Variants in VWC2 observed in about 807,000 individuals in gnomAD.
VWC2 encodes the protein von Willebrand factor C domain containing 2.
VWC2 carries 14 observed loss-of-function variants against 29.8 expected under a neutral mutation model. The ratio of observed to expected loss-of-function variants is 0.47; its 90% confidence interval spans 0.31 to 0.74. The LOEUF is 0.74. Ranked by LOEUF, VWC2 falls within the 30% of genes least tolerant of loss-of-function variation. VWC2 has a pLI of 0.05. For synonymous variants in VWC2, 213 were observed against 199.0 expected (o/e 1.07, Z -0.59); for missense variants, 457 against 459.8 (o/e 0.99, Z 0.05).
chr7:49,913,353 C>T lies in VWC2; in HGVS notation c.*1168C>T, dbSNP rs1793556408. ...GAACATAAAAAGCCACTGCAAAGTC[C>T]TGCTAATCTAATTAATGCATAATAG... On this transcript the variant is annotated 3_prime_UTR_variant, in exon 4 of 4. Coordinates refer to ENST00000340652, the MANE Select transcript of VWC2 (RefSeq NM_198570.5). 1 of 152,174 alleles carries T rather than the reference C, an allele frequency of 6.6e-6. No homozygotes were observed. Among genetic ancestry groups the T allele is most frequent in the African/African-American group, 2.4e-5 (1 of 41,456 alleles). The allele number at this position is 152,174 out of a possible 1,614,324, so 9.4% of individuals were successfully genotyped here.
chr7:49,816,013 G>T (rs574945209), intron 3 of VWC2, among the ~76,000 whole-genome samples: 1 of 152,248 alleles, frequency 6.6e-6, no homozygotes, highest in South Asian at 2.1e-4. Context: ...AGTGGGAGTG[G>T]GTCATGGAAT....
At chr7:49,870,583 G>A (rs988020053) in intron 3 of VWC2, among the ~76,000 whole-genome samples, 1 of 152,146 alleles carries the variant, frequency 6.6e-6, no homozygotes, top group African/African-American at 2.4e-5. Flanking sequence ...TACAGGGCAT[G>A]TCTTACGAGT....
chr7:49,853,624 C>T (rs993295206), intron 3 of VWC2, among the ~76,000 whole-genome samples: 9 of 151,830 alleles, frequency 5.9e-5, no homozygotes, highest in Non-Finnish European at 8.8e-5. Flanking sequence ...ACATACTTTA[C>T]GTAACATAAA....
intron 3 of VWC2, among the ~76,000 whole-genome samples, chr7:49,811,290 C>T (rs1789000211): frequency 6.6e-6 from 1 of 152,180 alleles, no homozygotes; most frequent in Non-Finnish European, 1.5e-5. Flanking sequence ...ACACCCAAAT[C>T]TCATCTTGAA....
At chr7:49,783,586 C>G (rs1367003614) in intron 2 of VWC2, among the ~76,000 whole-genome samples, 1 of 152,174 alleles carries the variant, frequency 6.6e-6, no homozygotes, top group Non-Finnish European at 1.5e-5. Context: ...AGGCTGAGAT[C>G]CTGCCAGCTG....
intron 3 of VWC2, among the ~76,000 whole-genome samples, chr7:49,837,990 G>A (rs1272422234): frequency 6.6e-6 from 1 of 152,180 alleles, no homozygotes; most frequent in East Asian, 1.9e-4. Context: ...ACATTGATGG[G>A]ATAGTGTCAC....
intron 3 of VWC2, among the ~76,000 whole-genome samples, chr7:49,832,689 T>A (rs959620158): frequency 2.0e-5 from 3 of 152,176 alleles, no homozygotes; most frequent in African/African-American, 7.2e-5. Flanking sequence ...TCTGGTCTGG[T>A]CTGCTGGGGC....
chr7:49,840,325 G>C (rs1789765180), intron 3 of VWC2, among the ~76,000 whole-genome samples: 1 of 152,206 alleles, frequency 6.6e-6, no homozygotes, highest in South Asian at 2.1e-4. Context: ...GGAAATTCTA[G>C]CAGTCATGCA....
chr7:49,834,161 ACT>A (rs1304255052), intron 3 of VWC2, among the ~76,000 whole-genome samples: 1 of 151,656 alleles, frequency 6.6e-6, no homozygotes, highest in African/African-American at 2.4e-5. Context: ...CCACCACAAT[ACT>A]CTCTGATCTG....
chr7:49,887,621 T>TGTCTATATGATAATCAGATGTCAATGGC (rs1791957923), intron 3 of VWC2, among the ~76,000 whole-genome samples: 1 of 152,168 alleles, frequency 6.6e-6, no homozygotes, highest in African/African-American at 2.4e-5. Context: ...TTTCCATTTG[T>TGTCTATATGATAATCAGATGTCAATGGC]ACAGGATTCA....
chr7:49,789,740 C>T (rs1346667291), intron 2 of VWC2, among the ~76,000 whole-genome samples: 1 of 152,214 alleles, frequency 6.6e-6, no homozygotes, highest in Non-Finnish European at 1.5e-5. Context: ...CTTCTCTCCC[C>T]AAACAGGTGG....
intron 3 of VWC2, among the ~76,000 whole-genome samples, chr7:49,847,240 A>AT (rs1319470880): frequency 6.9e-6 from 1 of 145,218 alleles, no homozygotes; most frequent in African/African-American, 2.7e-5. Context: ...TAATATATAT[A>AT]ATATAATATA....
In VWC2 at chr7:49,821,960, A is replaced by T. The variant is rs539196581; in HGVS notation, c.826+19120A>T. Among the ~76,000 whole-genome samples the T allele has an allele frequency of 7.9e-5, 12 of 152,340 alleles. No individual in the cohort carries two copies. The East Asian group carries it at 2.3e-3, about 29-fold the overall frequency. On this transcript the variant is annotated intron_variant, in intron 3 of 3. Transcript: ENST00000340652. ...AGAAGCTATAATTGTCAAAATTTAA[A>T]AATATTCTTATAAACCCATCTTTTT...
chr7:49,920,962 G>A lies in VWC2; in HGVS notation c.*8777G>A, dbSNP rs766957393. ...ATTTCTGACAGTTTCTATAGACTGA[G>A]AATAATGATATGCTTTTATAAATTA... On this transcript the variant is annotated 3_prime_UTR_variant, in exon 4 of 4. Coordinates refer to ENST00000340652, the MANE Select transcript of VWC2 (RefSeq NM_198570.5). 4.6e-5 allele frequency: 7 copies of A among 152,162 alleles called. No individual in the cohort carries two copies. The highest frequency in any genetic ancestry group is 7.3e-5 in the Non-Finnish European group (5 of 68,036). The allele number at this position is 152,162 out of a possible 1,614,324, so 9.4% of individuals were successfully genotyped here.
chr7:49,864,404 T>G (rs1790794578), intron 3 of VWC2, among the ~76,000 whole-genome samples: 1 of 152,168 alleles, frequency 6.6e-6, no homozygotes, highest in Admixed American at 6.5e-5. Context: ...TCTTCTCAGT[T>G]TTTTTCTGAT....
chr7:49,905,600 C>A (rs770661051), intron 3 of VWC2, among the ~76,000 whole-genome samples: 4 of 152,050 alleles, frequency 2.6e-5, no homozygotes, highest in Non-Finnish European at 1.5e-5. Context: ...AACTACAATA[C>A]AATAGAAAAC....
At chr7:49,837,540 G>A (rs1012669779) in intron 3 of VWC2, among the ~76,000 whole-genome samples, 2 of 152,208 alleles carry the variant, frequency 1.3e-5, no homozygotes, top group African/African-American at 2.4e-5. Flanking sequence ...GTCATGGGGA[G>A]AGTTCTGGAC....
intron 3 of VWC2, among the ~76,000 whole-genome samples, chr7:49,896,186 C>CA (rs1260513440): frequency 6.6e-6 from 1 of 152,058 alleles, no homozygotes; most frequent in Non-Finnish European, 1.5e-5. Context: ...GCTAAAAATA[C>CA]AAAAATTAGT....
chr7:49,838,594 C>T (rs1328428225), intron 3 of VWC2, among the ~76,000 whole-genome samples: 1 of 151,934 alleles, frequency 6.6e-6, no homozygotes, highest in African/African-American at 2.4e-5. Flanking sequence ...GCAGAGCATC[C>T]TACAGCGCTT....
Sources: gnomAD v4.1 joint callset for allele counts (sites outside exome capture counted in the v4.1 genomes callset) on GRCh38, gnomAD v4.1.1 for gene constraint, MANE v1.5 for transcripts, NCBI Gene and HGNC (gene_info 2026-07-23, HGNC 2026-07-21) for gene names.